The following HSD17B3 variants were observed in gnomAD, a reference collection of about 807,000 sequenced individuals.
The protein encoded by HSD17B3 is hydroxysteroid 17-beta dehydrogenase 3.
Under a neutral mutation model 41.1 loss-of-function variants are expected in HSD17B3, and 29 were observed. That is an observed-to-expected ratio of 0.71 (90% CI 0.53 to 0.96). HSD17B3 has a LOEUF of 0.96. Ranked by LOEUF, HSD17B3 falls within the 40% of genes least tolerant of loss-of-function variation. The pLI, the probability that HSD17B3 is intolerant of heterozygous loss-of-function variation, is 0.00. For synonymous variants in HSD17B3, 126 were observed against 145.6 expected (o/e 0.87, Z 0.97); for missense variants, 323 against 374.6 (o/e 0.86, Z 1.14).
chr9:96,253,436 T>C (rs1370007830), intron 3 of HSD17B3, among the ~76,000 whole-genome samples: 2 of 152,232 alleles, frequency 1.3e-5, no homozygotes, highest in African/African-American at 2.4e-5. Context: ...ATTTGTCCAA[T>C]GCTTTAGCAT....
In HSD17B3 at chr9:96,300,209, G is replaced by GACACACACACACACACACACACAC. The variant is rs55707445; in HGVS notation, c.154+1718_154+1741dup. Among the ~76,000 whole-genome samples the GACACACACACACACACACACACAC allele has an allele frequency of 1.4e-4, 16 of 116,374 alleles. 1 individual carries two copies. The highest frequency in any genetic ancestry group is 2.3e-4 in the Non-Finnish European group (13 of 55,976). 76.3% of individuals were successfully genotyped at this position (116,374 alleles called of 152,430 possible). On this transcript the variant is annotated intron_variant, in intron 1 of 10. Coordinates refer to ENST00000375263, the MANE Select transcript of HSD17B3 (RefSeq NM_000197.2). Reference sequence around the variant, plus strand: ...TCCTGACAGCATAATACCCCAAGAGGACACACACACACACACACACACACA... The same window carrying GACACACACACACACACACACACAC: ...TCCTGACAGCATAATACCCCAAGAGGACACACACACACACACACACACACACACACACACACACACACACACACA...
At chr9:96,298,170 A>G (rs1328856202) in intron 2 of HSD17B3, among the ~76,000 whole-genome samples, 5 of 152,222 alleles carry the variant, frequency 3.3e-5, no homozygotes, top group Non-Finnish European at 5.9e-5. Flanking sequence ...GAAAATACCA[A>G]TGCCCCACAA....
chr9:96,248,891 C>T (rs1298340637), intron 6 of HSD17B3, among the ~76,000 whole-genome samples: 4 of 151,610 alleles, frequency 2.6e-5, no homozygotes, highest in East Asian at 1.9e-4. Context: ...CCTAAGACAT[C>T]TCTTGATCCA....
intron 2 of HSD17B3, among the ~76,000 whole-genome samples, chr9:96,288,414 A>C (rs1374334206): frequency 6.6e-6 from 1 of 152,210 alleles, no homozygotes; most frequent in East Asian, 1.9e-4. Flanking sequence ...TGAAGGTGTT[A>C]ACACCACAAA....
intron 2 of HSD17B3, among the ~76,000 whole-genome samples, chr9:96,276,129 A>C (rs11496541): frequency 5.0e-4 from 69 of 138,600 alleles, no homozygotes; most frequent in Admixed American, 8.4e-4. Flanking sequence ...AAAAAAAAAA[A>C]AAACAGAAGA....
At chr9:96,248,902 C>T (rs1327828038) in intron 6 of HSD17B3, among the ~76,000 whole-genome samples, 5 of 149,650 alleles carry the variant, frequency 3.3e-5, no homozygotes, top group African/African-American at 1.2e-4. Flanking sequence ...TCTTGATCCA[C>T]AGCCATTTTT....
rs1034764344 is a variant in HSD17B3 at position 96,235,497 on chromosome 9, T to C, written c.896A>G (p.Tyr299Cys). 6.2e-7 allele frequency: 1 copy of C among 1,614,054 alleles called. No individual in the cohort carries two copies. The highest frequency in any genetic ancestry group is 8.5e-7 in the Non-Finnish European group (1 of 1,180,020). ...GGTGTTGAGCTTCAGGTATGCCACA[T>C]AGTGTGTCAGGAGCAGCCTTTGGAA... ...GAFQRLLLTHYVAYLKLNTKV... is the reference protein window; with the variant it reads ...GAFQRLLLTHCVAYLKLNTKV... Residue 299 changes from tyrosine to cysteine, a missense_variant, in exon 11 of 11, where the codon TAT (tyrosine) becomes TGT (cysteine). Coordinates refer to ENST00000375263, the MANE Select transcript of HSD17B3 (RefSeq NM_000197.2).
intron 2 of HSD17B3, among the ~76,000 whole-genome samples, chr9:96,293,958 C>T (rs543543792): frequency 3.2e-4 from 48 of 152,234 alleles, no homozygotes; most frequent in African/African-American, 1.1e-3. Context: ...TGATCAATTC[C>T]CAACCTCAGG....
chr9:96,277,680 C>T (rs76698898), intron 2 of HSD17B3, among the ~76,000 whole-genome samples: 2 of 95,190 alleles, frequency 2.1e-5, no homozygotes, highest in Non-Finnish European at 4.6e-5. Flanking sequence ...ATAATAACTA[C>T]TTTATGATCC....
chr9:96,242,902 C>T (rs1836509753), intron 9 of HSD17B3, among the ~76,000 whole-genome samples: 1 of 152,180 alleles, frequency 6.6e-6, no homozygotes, highest in Admixed American at 6.5e-5. Flanking sequence ...AATAGAATTG[C>T]ACTTCCTGGC....
Position 96,235,349 on chromosome 9 carries a change from C to T in HSD17B3, c.*111G>A. 5.2e-6 allele frequency: 4 copies of T among 771,000 alleles called. No homozygotes were observed. Among genetic ancestry groups the T allele is most frequent in the South Asian group, 1.5e-5 (1 of 68,106 alleles). 47.8% of individuals were successfully genotyped at this position (771,000 alleles called of 1,614,324 possible). On this transcript the variant is annotated 3_prime_UTR_variant, in exon 11 of 11. Coordinates refer to ENST00000375263, the MANE Select transcript of HSD17B3 (RefSeq NM_000197.2). Reference sequence around the variant, plus strand: ...GTATTCTATGCCTCTGTGACCCCAGCCCCCTCCATCTTCAGCGGACTAGGT... The same window carrying T: ...GTATTCTATGCCTCTGTGACCCCAGTCCCCTCCATCTTCAGCGGACTAGGT...
intron 2 of HSD17B3, among the ~76,000 whole-genome samples, chr9:96,257,736 C>G (rs909108247): frequency 2.6e-5 from 4 of 152,180 alleles, no homozygotes; most frequent in Admixed American, 6.5e-5. Flanking sequence ...AGTGCAAGCC[C>G]TTCTACATAG....
At chr9:96,290,178 AT>A in intron 2 of HSD17B3, among the ~76,000 whole-genome samples, 1 of 151,908 alleles carries the variant, frequency 6.6e-6, no homozygotes, top group East Asian at 1.9e-4. Context: ...CCTCTCCACA[AT>A]TTTTTCCCAC....
intron 2 of HSD17B3, among the ~76,000 whole-genome samples, chr9:96,265,769 C>T (rs1026168299): frequency 2.0e-5 from 3 of 152,172 alleles, no homozygotes; most frequent in Non-Finnish European, 4.4e-5. Flanking sequence ...TCCTGGATTG[C>T]TTAATAAAAT....
intron 7 of HSD17B3, 124 bp downstream of exon 7, chr9:96,246,432 C>T (rs1587719483): frequency 2.3e-6 from 2 of 851,900 alleles, no homozygotes; most frequent in East Asian, 4.9e-5. Flanking sequence ...CGTGTGCTTT[C>T]ATCATAGCTG....
intron 2 of HSD17B3, among the ~76,000 whole-genome samples, chr9:96,291,805 A>T (rs1402666046): frequency 2.0e-5 from 3 of 151,990 alleles, no homozygotes; most frequent in African/African-American, 7.3e-5. Context: ...AAAAATACAA[A>T]AATTAGCTGG....
chr9:96,293,222 T>C (rs903845748), intron 2 of HSD17B3, among the ~76,000 whole-genome samples: 6 of 152,244 alleles, frequency 3.9e-5, no homozygotes, highest in African/African-American at 1.4e-4. Flanking sequence ...AACATTATTA[T>C]GTTTCTGTAA....
chr9:96,287,507 A>G (rs1215700134), intron 2 of HSD17B3, among the ~76,000 whole-genome samples: 1 of 152,000 alleles, frequency 6.6e-6, no homozygotes, highest in Non-Finnish European at 1.5e-5. Flanking sequence ...TCAGGAGATC[A>G]AGACCATCCT....
At chr9:96,237,834 C>T (rs907182892) in intron 10 of HSD17B3, among the ~76,000 whole-genome samples, 1 of 152,086 alleles carries the variant, frequency 6.6e-6, no homozygotes, top group Non-Finnish European at 1.5e-5. Flanking sequence ...AAGGAAAGGT[C>T]AAGAAAATAT....
Sources: gnomAD v4.1 joint callset for allele counts (sites outside exome capture counted in the v4.1 genomes callset) on GRCh38, gnomAD v4.1.1 for gene constraint, MANE v1.5 for transcripts, NCBI Gene and HGNC (gene_info 2026-07-23, HGNC 2026-07-21) for gene names.